Variants in TRAPPC9 observed in about 807,000 individuals in gnomAD.
TRAPPC9 encodes the protein IKK2 binding protein.
In TRAPPC9, 83 loss-of-function variants were observed where a neutral mutation model predicts 124.0. The ratio of observed to expected loss-of-function variants is 0.67; its 90% CI spans 0.56 to 0.80. The LOEUF (loss-of-function observed/expected upper bound fraction) is 0.80, where lower values mean the gene tolerates loss of function less well. Among genes scored for constraint, TRAPPC9 ranks in the 30% least tolerant of loss-of-function variants. The probability of loss-of-function intolerance (pLI) is 0.00; values close to 1 mark genes in which losing one functional copy is unlikely to be tolerated. For missense variants in TRAPPC9, 1,302 were observed against 1,508.3 expected (o/e 0.86, Z 2.27); for synonymous variants, 638 against 617.5 (o/e 1.03, Z -0.49).
At chr8:139,900,641 A>G (rs1161822166) in intron 20 of TRAPPC9, among the ~76,000 whole-genome samples, 2 of 152,250 alleles carry the variant, frequency 1.3e-5, no homozygotes, top group African/African-American at 4.8e-5. Flanking sequence ...CTTGGGAACT[A>G]TGAGTGTTCA....
At chr8:140,393,807 C>G (rs2069005837) in intron 7 of TRAPPC9, among the ~76,000 whole-genome samples, 1 of 152,156 alleles carries the variant, frequency 6.6e-6, no homozygotes, top group South Asian at 2.1e-4. Context: ...AACTACAGAC[C>G]CCTCTTCTTT....
chr8:139,823,803 A>G (rs1825432974), intron 21 of TRAPPC9, among the ~76,000 whole-genome samples: 1 of 152,208 alleles, frequency 6.6e-6, no homozygotes, highest in Admixed American at 6.5e-5. Context: ...GAGAGGCCTG[A>G]TGGGCATCCT....
chr8:139,978,128 T>A (rs113499208), intron 19 of TRAPPC9, among the ~76,000 whole-genome samples: 1 of 152,164 alleles, frequency 6.6e-6, no homozygotes, highest in Non-Finnish European at 1.5e-5. Flanking sequence ...TCCTCCCACC[T>A]TGGCCTCCCA....
intron 17 of TRAPPC9, among the ~76,000 whole-genome samples, chr8:140,135,950 G>C (rs537346098): frequency 9.1e-4 from 138 of 152,192 alleles, no homozygotes; most frequent in African/African-American, 3.3e-3. Flanking sequence ...CTGTGTTTTA[G>C]AAAGATGCAT....
intron 9 of TRAPPC9, among the ~76,000 whole-genome samples, chr8:140,339,058 ACCGCCACCAGACGGCCACCT>A (rs2067124682): frequency 4.8e-5 from 7 of 145,058 alleles, no homozygotes; most frequent in African/African-American, 1.0e-4. Flanking sequence ...AGAGAAAACC[ACCGCCACCAGACGGCCACCT>A]ACAGGCCGAC....
intron 21 of TRAPPC9, among the ~76,000 whole-genome samples, chr8:139,859,132 C>T (rs1827979255): frequency 1.3e-5 from 2 of 151,804 alleles, no homozygotes; most frequent in African/African-American, 4.8e-5. Context: ...CTCCTCCAGC[C>T]CCCCGGTTTC....
intron 16 of TRAPPC9, among the ~76,000 whole-genome samples, chr8:140,235,442 A>T (rs2063709141): frequency 6.6e-6 from 1 of 152,244 alleles, no homozygotes; most frequent in Non-Finnish European, 1.5e-5. Flanking sequence ...ACTACTATAA[A>T]TCAGTTGGAA....
At chr8:140,340,210 C>A (rs919786900) in intron 9 of TRAPPC9, among the ~76,000 whole-genome samples, 2 of 152,130 alleles carry the variant, frequency 1.3e-5, no homozygotes, top group Non-Finnish European at 2.9e-5. Context: ...CAGACACAGT[C>A]AAAAATAAAG....
chr8:140,280,712 G>A (rs141290179), intron 14 of TRAPPC9, among the ~76,000 whole-genome samples: 247 of 152,180 alleles, frequency 1.6e-3, no homozygotes, highest in Admixed American at 5.7e-3. Context: ...AGGATTACAG[G>A]CATGAGCCAC....
intron 9 of TRAPPC9, among the ~76,000 whole-genome samples, chr8:140,332,983 G>A (rs1045959492): frequency 9.9e-5 from 15 of 151,964 alleles, no homozygotes; most frequent in South Asian, 2.1e-4. Context: ...AAAATTAGCC[G>A]GACACAGTGG....
At chr8:140,054,435 C>T (rs1842187015) in intron 17 of TRAPPC9, among the ~76,000 whole-genome samples, 1 of 152,114 alleles carries the variant, frequency 6.6e-6, no homozygotes, top group Non-Finnish European at 1.5e-5. Flanking sequence ...AGAGAGAAGT[C>T]TGTGGCAATA....
chr8:140,084,636 T>C (rs1844069778), intron 17 of TRAPPC9, among the ~76,000 whole-genome samples: 1 of 152,244 alleles, frequency 6.6e-6, no homozygotes, highest in African/African-American at 2.4e-5. Flanking sequence ...AGGACAAGGC[T>C]GCTGACTGAC....
At chr8:140,120,585 TTCATCCATCCATCCA>T (rs1376575755) in intron 17 of TRAPPC9, among the ~76,000 whole-genome samples, 1 of 151,180 alleles carries the variant, frequency 6.6e-6, no homozygotes, top group African/African-American at 2.4e-5. Flanking sequence ...CATCCATCCA[TTCATCCATCCATCCA>T]TCATCCAACA....
At chr8:139,960,608 G>GT (rs1587348883) in intron 19 of TRAPPC9, among the ~76,000 whole-genome samples, 7 of 127,682 alleles carry the variant, frequency 5.5e-5, no homozygotes, top group Admixed American at 8.1e-5. Flanking sequence ...TGACCCAGCT[G>GT]TCAAGTCTGG....
At chr8:140,355,795 C>T (rs994930669) in intron 9 of TRAPPC9, among the ~76,000 whole-genome samples, 7 of 152,154 alleles carry the variant, frequency 4.6e-5, no homozygotes, top group African/African-American at 1.7e-4. Context: ...TTAAACATGT[C>T]GTTTCAATAA....
intron 21 of TRAPPC9, among the ~76,000 whole-genome samples, chr8:139,766,448 G>A (rs954528143): frequency 2.0e-5 from 3 of 152,224 alleles, no homozygotes; most frequent in African/African-American, 7.2e-5. Flanking sequence ...TGCTCTGGGA[G>A]CCTCTCTCCC....
chr8:139,973,903 C>T (rs1836267401), intron 19 of TRAPPC9, among the ~76,000 whole-genome samples: 2 of 152,232 alleles, frequency 1.3e-5, no homozygotes, highest in South Asian at 2.1e-4. Context: ...CTGCGAACCT[C>T]CCCACACACC....
At chr8:140,221,638 G>T (rs1200326964) in intron 16 of TRAPPC9, 55 bp from the exon 17 acceptor site, 3 of 1,460,682 alleles carry the variant, frequency 2.1e-6, no homozygotes, top group Non-Finnish European at 1.8e-6. Context: ...TTTGGGGTTT[G>T]TTGTTGTTGT....
intron 21 of TRAPPC9, among the ~76,000 whole-genome samples, chr8:139,843,382 GC>G (rs1193211132): frequency 6.6e-6 from 1 of 152,190 alleles, no homozygotes; most frequent in African/African-American, 2.4e-5. Context: ...CAAGGGAGAA[GC>G]CTTGAAATGC....
Sources: allele counts gnomAD v4.1 joint callset (sites outside exome capture counted in the v4.1 genomes callset), GRCh38; gene constraint gnomAD v4.1.1; transcripts MANE v1.5; gene names NCBI Gene and HGNC (gene_info 2026-07-23, HGNC 2026-07-21).